The following MALRD1 variants were observed in gnomAD, a reference collection of about 807,000 sequenced individuals.
MALRD1 encodes the protein MAM and LDL receptor class A domain containing 1, also known as MAM and LDL-receptor class A domain-containing protein 1.
MALRD1 carries 247 observed loss-of-function variants against 242.1 expected under a neutral mutation model. That is an observed-to-expected ratio of 1.02 (90% CI 0.92 to 1.13). MALRD1 has a LOEUF of 1.13. Ranked by LOEUF, MALRD1 falls within the 50% of genes most tolerant of loss-of-function variation. The pLI is 0.00. For synonymous variants in MALRD1, 995 were observed against 866.6 expected (o/e 1.15, Z -2.60); for missense variants, 2,989 against 2,533.1 (o/e 1.18, Z -3.86).
chr10:19,278,983 A>C (rs1170927119), intron 19 of MALRD1, among the ~76,000 whole-genome samples: 1 of 152,204 alleles, frequency 6.6e-6, no homozygotes. Context: ...CCAAACTGGG[A>C]AGCAACAGCC....
rs549081657 is a variant in MALRD1, at chr10:19,142,149, G to A, written c.1412-4049G>A. 4.4e-4 allele frequency among the ~76,000 whole-genome samples: 57 copies of A among 130,866 alleles called. 1 individual carries two copies. The South Asian group carries it at 0.011, about 25-fold the overall frequency. 85.9% of individuals were successfully genotyped at this position (130,866 alleles called of 152,430 possible). ...ATTGCACCACTGCACTCCAGCCTGG[G>A]CGACAGAGCGAGACTCTAACTCAAA... On this transcript the variant is annotated intron_variant, in intron 10 of 39. Transcript: ENST00000454679.
chr10:19,640,165 T>C (rs1163856239), intron 36 of MALRD1, among the ~76,000 whole-genome samples: 11 of 152,056 alleles, frequency 7.2e-5, no homozygotes, highest in Non-Finnish European at 1.5e-4. Flanking sequence ...TCTCGGCTCA[T>C]TGCAACCTCC....
At chr10:19,485,479 T>C (rs1837194412) in intron 29 of MALRD1, among the ~76,000 whole-genome samples, 1 of 151,824 alleles carries the variant, frequency 6.6e-6, no homozygotes, top group Non-Finnish European at 1.5e-5. Flanking sequence ...CCGTCTCTAC[T>C]AAAAATACAA....
chr10:19,479,094 C>G (rs890101918), intron 29 of MALRD1, among the ~76,000 whole-genome samples: 12 of 152,302 alleles, frequency 7.9e-5, no homozygotes, highest in Admixed American at 3.3e-4. Context: ...CCATGAAATA[C>G]TATTTGATCA....
chr10:19,633,836 C>CTTTTTTTTTTTTTTTTTTTTTTTTTT lies in MALRD1; in HGVS notation c.6137+17916_6137+17917insTTTTTTTTTTTTTTTTTTTTTTTTTT, dbSNP rs199830595. Reference sequence around the variant, plus strand: ...GCCACAGTTTCTTTCTTTTTCTTTTCTTTCTTTTTTTTTTTTTTTTTTGAC... The same window carrying CTTTTTTTTTTTTTTTTTTTTTTTTTT: ...GCCACAGTTTCTTTCTTTTTCTTTTCTTTTTTTTTTTTTTTTTTTTTTTTTTTTTCTTTTTTTTTTTTTTTTTTGAC... On this transcript the variant is annotated intron_variant, in intron 36 of 39. Coordinates refer to ENST00000454679, the MANE Select transcript of MALRD1 (RefSeq NM_001142308.3). 1.4e-5 allele frequency: 2 copies of CTTTTTTTTTTTTTTTTTTTTTTTTTT among 141,134 alleles called. 1 individual carries two copies. The highest frequency in any genetic ancestry group is 5.6e-5 in the African/African-American group (2 of 35,668). The allele number at this position is 141,134 out of a possible 1,614,324, so 8.7% of individuals were successfully genotyped here. A position where few individuals can be genotyped will look rare whatever the true frequency, so the allele number is the denominator to read the frequency against.
intron 38 of MALRD1, among the ~76,000 whole-genome samples, chr10:19,694,503 T>C (rs1325568059): frequency 6.6e-6 from 1 of 152,142 alleles, no homozygotes; most frequent in Non-Finnish European, 1.5e-5. Context: ...CAGAGAAATG[T>C]AAATCAAAAC....
At chr10:19,615,544 GAGAA>G (rs144659079) in intron 35 of MALRD1, among the ~76,000 whole-genome samples, 6,107 of 94,746 alleles carry the variant, frequency 0.064, 617 homozygotes, top group African/African-American at 0.24. Context: ...AAGAGGAAGA[GAGAA>G]AGAAAAAATA....
Position 19,327,704 on chromosome 10 carries a change from G to A in MALRD1, c.3687+31G>A, listed in dbSNP as rs1284215723. The A allele has an allele frequency of 6.8e-6, 10 of 1,472,118 alleles. No homozygotes were observed. In the South Asian group the frequency reaches 1.2e-4, roughly 18 times the overall value. 91.2% of individuals were successfully genotyped at this position (1,472,118 alleles called of 1,614,324 possible). The stretch of plus-strand genomic sequence containing the variant: ...TAATACAGGTAGTTATGGGGTGAGT[G>A]AGTTCTGCTGATTTTTTTCATCCTC... On this transcript the variant is annotated intron_variant, in intron 23 of 39. Coordinates refer to ENST00000454679, the MANE Select transcript of MALRD1 (RefSeq NM_001142308.3).
chr10:19,517,888 C>T (rs976883893), intron 31 of MALRD1, among the ~76,000 whole-genome samples: 1 of 152,154 alleles, frequency 6.6e-6, no homozygotes, highest in African/African-American at 2.4e-5. Flanking sequence ...CCTCCACATC[C>T]CACTTCTGAC....
At chr10:19,130,167 A>C (rs1021122269) in intron 8 of MALRD1, among the ~76,000 whole-genome samples, 7 of 152,184 alleles carry the variant, frequency 4.6e-5, no homozygotes, top group African/African-American at 1.7e-4. Context: ...GGGAGGAAGA[A>C]AAGGGGACAA....
At chr10:19,551,029 T>G (rs1367675780) in intron 32 of MALRD1, among the ~76,000 whole-genome samples, 1 of 152,214 alleles carries the variant, frequency 6.6e-6, no homozygotes, top group Admixed American at 6.5e-5. Context: ...AGATGATATC[T>G]CATTGTGGTT....
chr10:19,129,635 T>G (rs1029142152), intron 8 of MALRD1, among the ~76,000 whole-genome samples: 2 of 151,870 alleles, frequency 1.3e-5, no homozygotes, highest in Non-Finnish European at 2.9e-5. Context: ...TCCCATAAGA[T>G]TCCATTAACA....
chr10:19,281,963 C>CA (rs149370838), intron 20 of MALRD1, among the ~76,000 whole-genome samples: 8,716 of 78,128 alleles, frequency 0.11, 266 homozygotes, highest in South Asian at 0.29. Flanking sequence ...ACGATGTCTC[C>CA]AAAAAAAAAA....
At chr10:19,217,478 G>T (rs1332473055) in intron 18 of MALRD1, among the ~76,000 whole-genome samples, 1 of 151,062 alleles carries the variant, frequency 6.6e-6, no homozygotes, top group Non-Finnish European at 1.5e-5. Flanking sequence ...ATGCCTTTGG[G>T]GATTAGCTGC....
intron 25 of MALRD1, 49 bp from the exon 26 acceptor site, chr10:19,351,957 T>A: frequency 7.2e-7 from 1 of 1,386,876 alleles, no homozygotes; most frequent in Non-Finnish European, 9.7e-7. Flanking sequence ...TAATATCATA[T>A]TAATTATACT....
At chr10:19,692,392 T>TGGTTTGGG in intron 37 of MALRD1, 31 bp downstream of exon 37, 1 of 1,530,880 alleles carries the variant, frequency 6.5e-7, no homozygotes, top group Non-Finnish European at 8.7e-7. Context: ...ATAAATGGCT[T>TGGTTTGGG]GGTTTGGGGT....
intron 31 of MALRD1, among the ~76,000 whole-genome samples, chr10:19,528,034 T>C (rs1365913896): frequency 6.6e-6 from 1 of 152,206 alleles, no homozygotes; most frequent in Non-Finnish European, 1.5e-5. Flanking sequence ...TCCACCTATG[T>C]TGTGATTTTC....
At chr10:19,294,608 G>T (rs1342509875) in intron 21 of MALRD1, among the ~76,000 whole-genome samples, 5 of 152,074 alleles carry the variant, frequency 3.3e-5, no homozygotes, top group Non-Finnish European at 7.4e-5. Context: ...TGAAAGAGTG[G>T]TCCACTCAGG....
At chr10:19,275,681 T>A (rs1235068998) in intron 19 of MALRD1, among the ~76,000 whole-genome samples, 1 of 151,780 alleles carries the variant, frequency 6.6e-6, no homozygotes, top group African/African-American at 2.4e-5. Context: ...AAAATAAAAA[T>A]AAAAATAAAA....
Sources: gnomAD v4.1 joint callset for allele counts (sites outside exome capture counted in the v4.1 genomes callset) on GRCh38, gnomAD v4.1.1 for gene constraint, MANE v1.5 for transcripts, NCBI Gene and HGNC (gene_info 2026-07-23, HGNC 2026-07-21) for gene names.